The following CCDC12 variants were observed in gnomAD, a reference collection of about 807,000 sequenced individuals.
CCDC12 encodes coiled-coil domain containing 12.
Under a neutral mutation model 25.7 loss-of-function variants are expected in CCDC12, and 28 were observed. That is an observed-to-expected ratio of 1.09 (90% CI 0.81 to 1.50). The LOEUF (loss-of-function observed/expected upper bound fraction) is 1.50, where lower values mean the gene tolerates loss of function less well. CCDC12 is among the 40% of genes most tolerant of loss of function. The pLI, the probability that CCDC12 is intolerant of heterozygous loss-of-function variation, is 0.00. For missense variants in CCDC12, 198 were observed against 210.0 expected, an observed-to-expected ratio of 0.94 and a Z score of 0.35; for synonymous variants, 75 against 87.7, an observed-to-expected ratio of 0.86 and a Z score of 0.81.
intron 2 of CCDC12, among the ~76,000 whole-genome samples, chr3:46,929,669 AAAAG>A (rs2033123765): frequency 6.6e-6 from 1 of 152,228 alleles, no homozygotes; most frequent in Non-Finnish European, 1.5e-5. Flanking sequence ...TAGCTAAAAG[AAAAG>A]AAATAAAAAC....
chr3:46,923,312 G>T lies in CCDC12; in HGVS notation c.341+17C>A. On this transcript the variant is annotated intron_variant, in intron 5 of 6. Transcript: ENST00000683445. ...CCCCGAGTCAGCCTGCACCCGCCACGCACGGGCAACACTCACCAGTCAGGC... is the reference window on the plus strand; with the variant it reads ...CCCCGAGTCAGCCTGCACCCGCCACTCACGGGCAACACTCACCAGTCAGGC... The T allele has an allele frequency of 4.1e-6, 6 of 1,473,868 alleles. No homozygotes were observed. The highest frequency in any genetic ancestry group is 4.5e-6 in the Non-Finnish European group (5 of 1,110,996). The allele number at this position is 1,473,868 out of a possible 1,614,324, so 91.3% of individuals were successfully genotyped here.
chr3:46,979,027 GTTAAAGAAA>G (rs1192448628), upstream of CCDC12, among the ~76,000 whole-genome samples: 1 of 152,138 alleles, frequency 6.6e-6, no homozygotes, highest in Non-Finnish European at 1.5e-5. Context: ...ACCTGTTGAG[GTTAAAGAAA>G]CAACATATGT....
At chr3:46,948,249 C>T (rs140937018) in intron 1 of CCDC12, among the ~76,000 whole-genome samples, 2 of 152,324 alleles carry the variant, frequency 1.3e-5, no homozygotes, top group East Asian at 3.9e-4. Flanking sequence ...TGGTGACTAC[C>T]ATCCAAGAGG....
upstream of CCDC12, chr3:46,977,099 A>G (rs1575570058): frequency 3.6e-6 from 1 of 279,252 alleles, no homozygotes; most frequent in East Asian, 8.5e-5. Flanking sequence ...TACTAACCAC[A>G]CTAATCACTC....
chr3:46,948,876 C>T (rs938408064), intron 1 of CCDC12, among the ~76,000 whole-genome samples: 6 of 152,244 alleles, frequency 3.9e-5, no homozygotes, highest in African/African-American at 1.4e-4. Context: ...GGAGGCACTA[C>T]AGAGCTCCTC....
At chr3:46,964,230 G>A (rs1412605401) in intron 1 of CCDC12, among the ~76,000 whole-genome samples, 13 of 145,428 alleles carry the variant, frequency 8.9e-5, no homozygotes, top group East Asian at 4.0e-4. Context: ...CAGCTGCCCC[G>A]TCTGAGAAGT....
chr3:46,976,173 C>T, intron 1 of CCDC12: 1 of 347,704 alleles, frequency 2.9e-6, no homozygotes. Flanking sequence ...CGAAACGACT[C>T]CGGCTGTATA....
At chr3:46,922,351 C>A (rs2032720169) in intron 5 of CCDC12, 39 bp from the exon 6 acceptor site, 4 of 1,611,090 alleles carry the variant, frequency 2.5e-6, no homozygotes, top group Non-Finnish European at 3.4e-6. Context: ...AAGGTGAAGG[C>A]TGGCCTGATG....
chr3:46,975,753 G>A (rs2034957291), intron 1 of CCDC12, among the ~76,000 whole-genome samples: 1 of 150,424 alleles, frequency 6.6e-6, no homozygotes, highest in African/African-American at 2.4e-5. Flanking sequence ...GGATGGTCTC[G>A]ATCTCCTAAC....
At chr3:46,965,826 A>G (rs949434804) in intron 1 of CCDC12, among the ~76,000 whole-genome samples, 1 of 152,220 alleles carries the variant, frequency 6.6e-6, no homozygotes, top group Non-Finnish European at 1.5e-5. Flanking sequence ...GCCCTCAACC[A>G]GAGGTAAAAT....
At chr3:46,938,188 G>A in intron 2 of CCDC12, among the ~76,000 whole-genome samples, 1 of 14,944 alleles carries the variant, frequency 6.7e-5, no homozygotes, top group East Asian at 0.021. Flanking sequence ...TCCCTGGGCT[G>A]CGGTGAGAAA....
intron 1 of CCDC12, among the ~76,000 whole-genome samples, chr3:46,959,140 T>C (rs1320752746): frequency 6.6e-6 from 1 of 152,120 alleles, no homozygotes; most frequent in African/African-American, 2.4e-5. Context: ...AACTGGCACA[T>C]TTTTTTGTGG....
chr3:46,967,034 T>C (rs562516909), intron 1 of CCDC12, among the ~76,000 whole-genome samples: 1 of 152,300 alleles, frequency 6.6e-6, no homozygotes, highest in African/African-American at 2.4e-5. Flanking sequence ...GTCTAAGCTC[T>C]GTCACCAGAG....
At chr3:46,965,745 T>TCCCTC (rs2034618098) in intron 1 of CCDC12, among the ~76,000 whole-genome samples, 1 of 152,218 alleles carries the variant, frequency 6.6e-6, no homozygotes, top group East Asian at 1.9e-4. Context: ...GGACAAGGGA[T>TCCCTC]TGGCCCTGTG....
intron 2 of CCDC12, among the ~76,000 whole-genome samples, chr3:46,926,184 G>T (rs2032949777): frequency 6.6e-6 from 1 of 152,252 alleles, no homozygotes; most frequent in Non-Finnish European, 1.5e-5. Context: ...GGGCGTGGCT[G>T]CCTACAGCTG....
In CCDC12 at chr3:46,961,061, T is replaced by G. The variant is rs560697508; in HGVS notation, c.96+15576A>C. On this transcript the variant is annotated intron_variant, in intron 1 of 6. Transcript: ENST00000683445. The stretch of plus-strand genomic sequence containing the variant: ...GGGGGGAAGTGTGTGGGGTAGGGCC[T>G]GGGGTGTGTGGTGGTGTTGTGAGGT... Among the ~76,000 whole-genome samples, 432 of 145,184 alleles carry G rather than the reference T, an allele frequency of 3.0e-3. 1 individual carries two copies. The highest frequency in any genetic ancestry group is 4.3e-3 in the Non-Finnish European group (287 of 66,456).
chr3:46,968,644 C>G (rs530061360), intron 1 of CCDC12, among the ~76,000 whole-genome samples: 17 of 152,310 alleles, frequency 1.1e-4, no homozygotes, highest in African/African-American at 3.8e-4. Context: ...TAAATCAGAT[C>G]TGTCTCCAAA....
intron 2 of CCDC12, among the ~76,000 whole-genome samples, chr3:46,927,234 T>A (rs2033000923): frequency 6.6e-6 from 1 of 152,094 alleles, no homozygotes; most frequent in Non-Finnish European, 1.5e-5. Context: ...CTTGAACACC[T>A]GCCTCGGGCC....
intron 1 of CCDC12, among the ~76,000 whole-genome samples, chr3:46,949,267 G>A (rs2034023791): frequency 6.6e-6 from 1 of 152,182 alleles, no homozygotes; most frequent in Non-Finnish European, 1.5e-5. Flanking sequence ...GTGACAGTGG[G>A]GACAGAGGGA....
Sources: allele counts gnomAD v4.1 joint callset (sites outside exome capture counted in the v4.1 genomes callset), GRCh38; gene constraint gnomAD v4.1.1; transcripts MANE v1.5; gene names NCBI Gene and HGNC (gene_info 2026-07-23, HGNC 2026-07-21).